IL19: variants seen among roughly 807,000 people sequenced by gnomAD.
The protein encoded by IL19 is interleukin 19.
IL19 carries 15 observed loss-of-function variants against 19.5 expected under a neutral mutation model. The observed-to-expected ratio is 0.77, with a 90% confidence interval of 0.52 to 1.19. The LOEUF is 1.19. IL19 is among the 50% of genes most tolerant of loss of function. IL19 has a pLI of 0.00. For synonymous variants in IL19, 78 were observed against 78.3 expected (o/e 1.00, Z 0.02); for missense variants, 199 against 213.1 (o/e 0.93, Z 0.41).
chr1:206,840,345 C>A, intron 5 of IL19: 3 of 403,356 alleles, frequency 7.4e-6, no homozygotes, highest in Non-Finnish European at 9.5e-6. Context: ...GTCTTTACAT[C>A]AATAAACCTC....
chr1:206,837,073 T>C, intron 4 of IL19, 50 bp downstream of exon 4: 1 of 1,451,346 alleles, frequency 6.9e-7, no homozygotes, highest in East Asian at 2.3e-5. Context: ...CATGTCTAAA[T>C]GGCTCTGGGC....
At chr1:206,772,921 A>G (rs1674895511) in intron 1 of IL19, among the ~76,000 whole-genome samples, 1 of 152,168 alleles carries the variant, frequency 6.6e-6, no homozygotes, top group Non-Finnish European at 1.5e-5. Flanking sequence ...AATACCCAAG[A>G]CTTCTCCTTG....
At chr1:206,775,238 G>A (rs1047775842) in intron 1 of IL19, among the ~76,000 whole-genome samples, 2 of 151,870 alleles carry the variant, frequency 1.3e-5, no homozygotes, top group South Asian at 2.1e-4. Context: ...ATTTTTATTA[G>A]AGACGGGGTT....
chr1:206,824,729 C>T (rs1676387606), intron 2 of IL19, among the ~76,000 whole-genome samples: 1 of 152,156 alleles, frequency 6.6e-6, no homozygotes, highest in Non-Finnish European at 1.5e-5. Flanking sequence ...GTTATAGAGC[C>T]AGCAAGTGTG....
At chr1:206,792,510 G>A (rs1260876017) in intron 1 of IL19, among the ~76,000 whole-genome samples, 2 of 151,962 alleles carry the variant, frequency 1.3e-5, no homozygotes, top group Admixed American at 1.3e-4. Context: ...ATGCTGGGGT[G>A]GAATTGCATG....
chr1:206,827,118 G>A (rs990722654), intron 2 of IL19, among the ~76,000 whole-genome samples: 7 of 152,100 alleles, frequency 4.6e-5, no homozygotes, highest in Non-Finnish European at 1.0e-4. Context: ...TTCCATTGGG[G>A]TAAGCTGATG....
At chr1:206,818,447 A>G (rs1676216910) in intron 2 of IL19, among the ~76,000 whole-genome samples, 1 of 152,264 alleles carries the variant, frequency 6.6e-6, no homozygotes, top group East Asian at 1.9e-4. Context: ...AAAAGACTAC[A>G]TACTGTATGA....
chr1:206,776,634 C>T (rs942238009), intron 1 of IL19, among the ~76,000 whole-genome samples: 2 of 152,010 alleles, frequency 1.3e-5, no homozygotes, highest in South Asian at 2.1e-4. Flanking sequence ...AATCCCTAAG[C>T]CTAGCTGGGA....
chr1:206,788,729 T>A (rs1675321329), intron 1 of IL19, among the ~76,000 whole-genome samples: 1 of 152,100 alleles, frequency 6.6e-6, no homozygotes, highest in African/African-American at 2.4e-5. Flanking sequence ...GCATTAGGGT[T>A]TTCACCATCT....
chr1:206,793,466 G>A lies in IL19; in HGVS notation c.-148-5395G>A, dbSNP rs576953657. Among the ~76,000 whole-genome samples, 3 of 152,304 alleles carry A rather than the reference G, an allele frequency of 2.0e-5. No homozygotes were observed. In the South Asian group the frequency reaches 6.2e-4, roughly 32 times the overall value. ...TCCCCGACTGTGCGGCCTGGCAGTC[G>A]TGCTCTGATCGAATGCCTCCGATTC... On this transcript the variant is annotated intron_variant, in intron 1 of 6. Coordinates refer to ENST00000659997, the MANE Select transcript of IL19 (RefSeq NM_153758.5).
At chr1:206,772,623 C>A in intron 1 of IL19, 1 of 599,876 alleles carries the variant, frequency 1.7e-6, no homozygotes, top group Non-Finnish European at 2.9e-6. Flanking sequence ...TCTCTAACCT[C>A]TCTAATAAAC....
At chr1:206,817,048 C>T (rs754894753) in intron 2 of IL19, among the ~76,000 whole-genome samples, 5 of 152,150 alleles carry the variant, frequency 3.3e-5, no homozygotes, top group African/African-American at 4.8e-5. Context: ...CTTGCTGAAA[C>T]GCTGAAACTC....
chr1:206,834,958 G>A (rs1379188286), intron 2 of IL19, among the ~76,000 whole-genome samples: 1 of 152,184 alleles, frequency 6.6e-6, no homozygotes, highest in African/African-American at 2.4e-5. Context: ...CAGAAACAGA[G>A]CCTACTTCAT....
At chr1:206,795,436 G>A (rs996682337) in intron 1 of IL19, among the ~76,000 whole-genome samples, 1 of 152,176 alleles carries the variant, frequency 6.6e-6, no homozygotes, top group African/African-American at 2.4e-5. Context: ...AAGCAGGTAT[G>A]CTTAAATTAC....
At chr1:206,837,909 G>A (rs956637616) in intron 4 of IL19, among the ~76,000 whole-genome samples, 2 of 152,136 alleles carry the variant, frequency 1.3e-5, no homozygotes, top group African/African-American at 2.4e-5. Context: ...GAATCCCTGG[G>A]AGGAATTAAA....
intron 1 of IL19, among the ~76,000 whole-genome samples, chr1:206,775,166 G>A (rs996337541): frequency 2.6e-5 from 4 of 151,766 alleles, no homozygotes; most frequent in African/African-American, 4.8e-5. Flanking sequence ...TCAGCGTCCC[G>A]AGTAGCTGGG....
intron 1 of IL19, among the ~76,000 whole-genome samples, chr1:206,785,680 G>A (rs1016896973): frequency 3.3e-5 from 5 of 152,170 alleles, no homozygotes; most frequent in African/African-American, 4.8e-5. Flanking sequence ...GACCCAAGAC[G>A]ACCTCGACTA....
chr1:206,774,910 C>T (rs1238331974), intron 1 of IL19, among the ~76,000 whole-genome samples: 1 of 151,974 alleles, frequency 6.6e-6, no homozygotes, highest in East Asian at 1.9e-4. Flanking sequence ...CCTTCAATTT[C>T]CTTATATGAG....
chr1:206,822,391 G>A (rs921789898), intron 2 of IL19, among the ~76,000 whole-genome samples: 1 of 152,100 alleles, frequency 6.6e-6, no homozygotes, highest in Non-Finnish European at 1.5e-5. Context: ...GGGTTGAGAT[G>A]TTCTACTTGT....
Sources: gnomAD v4.1 joint callset for allele counts (sites outside exome capture counted in the v4.1 genomes callset) on GRCh38, gnomAD v4.1.1 for gene constraint, MANE v1.5 for transcripts, NCBI Gene and HGNC (gene_info 2026-07-23, HGNC 2026-07-21) for gene names.